ARL6: variants seen among roughly 807,000 people sequenced by gnomAD.
ARL6 encodes the protein ARF like GTPase 6.
Under a neutral mutation model 27.1 loss-of-function variants are expected in ARL6, and 18 were observed. That is an observed-to-expected ratio of 0.66 (90% CI 0.46 to 0.98). ARL6 has a LOEUF of 0.98. Among genes scored for constraint, ARL6 ranks in the 50% least tolerant of loss-of-function variants. The pLI, the probability that ARL6 is intolerant of heterozygous loss-of-function variation, is 0.00. For missense variants in ARL6, 187 were observed against 214.9 expected (o/e 0.87, Z 0.81); for synonymous variants, 65 against 72.3 (o/e 0.90, Z 0.51).
At chr3:97,796,698 A>T (rs973972406) in intron 7 of ARL6, among the ~76,000 whole-genome samples, 9 of 152,204 alleles carry the variant, frequency 5.9e-5, no homozygotes, top group East Asian at 3.8e-4. Context: ...AAGATTCTGC[A>T]AGCTTCCTGA....
intron 6 of ARL6, among the ~76,000 whole-genome samples, chr3:97,788,388 A>G (rs1016457671): frequency 6.6e-6 from 1 of 152,196 alleles, no homozygotes; most frequent in African/African-American, 2.4e-5. Context: ...GACTTCAGCT[A>G]CACTGATTTC....
chr3:97,776,950 TG>T (rs2036939478), intron 2 of ARL6, among the ~76,000 whole-genome samples: 1 of 152,258 alleles, frequency 6.6e-6, no homozygotes, highest in African/African-American at 2.4e-5. Flanking sequence ...TGAGCCTCCG[TG>T]CCTGGCCACC....
At chr3:97,773,436 A>G (rs2036735687) in intron 2 of ARL6, among the ~76,000 whole-genome samples, 1 of 152,128 alleles carries the variant, frequency 6.6e-6, no homozygotes, top group Admixed American at 6.5e-5. Context: ...GCATCACTCA[A>G]TCCAATCAAG....
chr3:97,798,001 TTTTG>T lies in ARL6; in HGVS notation c.536-15_536-12del, dbSNP rs1368665501. 2 of 1,611,152 alleles carry T rather than the reference TTTTG, an allele frequency of 1.2e-6. No homozygotes were observed. Among genetic ancestry groups the T allele is most frequent in the Admixed American group, 1.7e-5 (1 of 59,942 alleles). ...ATTTTGCCCTATAGAGATTGATAAT[TTTTG>T]TTTGTTTTTTGTTATCAGATCAGAT... On this transcript the variant is annotated intron_variant, in intron 7 of 7. Coordinates refer to ENST00000463745, the MANE Select transcript of ARL6 (RefSeq NM_001278293.3).
At position 97,780,185 on chromosome 3, in the gene ARL6, A is replaced by C. The variant is rs1446627916; in HGVS notation, c.150A>C (p.Thr50=). 1 of 1,613,228 alleles carries C rather than the reference A, an allele frequency of 6.2e-7. No individual in the cohort carries two copies. The highest frequency in any genetic ancestry group is 8.5e-7 in the Non-Finnish European group (1 of 1,179,378). ...CTCAATCTCAAAATATCCTTCCAAC[A>C]ATAGGATTCAGCATAGAGAAATTCA... ...SNAQSQNILP[T]IGFSIEKFKS... is the part of the protein sequence containing the mutation. Residue 50 remains threonine (T), a synonymous_variant, in exon 3 of 8, where the codon ACA becomes ACC. Transcript: ENST00000463745.
chr3:97,783,694 TAA>T (rs1384171498), intron 4 of ARL6, among the ~76,000 whole-genome samples: 1 of 151,848 alleles, frequency 6.6e-6, no homozygotes, highest in Non-Finnish European at 1.5e-5. Context: ...AAATGGTATA[TAA>T]AAAGTTTTAT....
chr3:97,769,056 G>A (rs2036520608), intron 2 of ARL6, among the ~76,000 whole-genome samples: 1 of 151,952 alleles, frequency 6.6e-6, no homozygotes, highest in East Asian at 1.9e-4. Context: ...AATAAAATAA[G>A]TACAGAAATG....
intron 4 of ARL6, among the ~76,000 whole-genome samples, chr3:97,781,020 C>T (rs1046830048): frequency 1.2e-4 from 19 of 152,044 alleles, no homozygotes; most frequent in African/African-American, 4.3e-4. Context: ...TTATTTTGTC[C>T]TTATTGTTCA....
chr3:97,780,820 T>TA, intron 4 of ARL6, 137 bp downstream of exon 4: 1 of 701,342 alleles, frequency 1.4e-6, no homozygotes, highest in South Asian at 1.7e-5. Context: ...TTTTAAAAAA[T>TA]ATGTAATGAG....
intron 2 of ARL6, among the ~76,000 whole-genome samples, chr3:97,773,259 T>C (rs1210161475): frequency 2.0e-5 from 3 of 152,118 alleles, no homozygotes; most frequent in Admixed American, 2.0e-4. Context: ...GCTAAGCCAG[T>C]TTACCTTTTC....
chr3:97,775,265 A>G (rs1314557966), intron 2 of ARL6, among the ~76,000 whole-genome samples: 1 of 152,180 alleles, frequency 6.6e-6, no homozygotes, highest in Non-Finnish European at 1.5e-5. Flanking sequence ...TATACATATA[A>G]AGGGGAGTTT....
chr3:97,788,684 A>G (rs866833510), intron 6 of ARL6, among the ~76,000 whole-genome samples: 9 of 152,186 alleles, frequency 5.9e-5, no homozygotes, highest in Admixed American at 6.5e-5. Flanking sequence ...GAATAAATGG[A>G]AATGGAAATT....
chr3:97,770,268 T>C (rs1384195949), intron 2 of ARL6, among the ~76,000 whole-genome samples: 1 of 152,100 alleles, frequency 6.6e-6, no homozygotes, highest in African/African-American at 2.4e-5. Context: ...GTTTGATATA[T>C]ATTTTCCTGA....
At chr3:97,768,546 C>T (rs1028402259) in intron 2 of ARL6, among the ~76,000 whole-genome samples, 12 of 152,046 alleles carry the variant, frequency 7.9e-5, no homozygotes, top group African/African-American at 2.9e-4. Flanking sequence ...AAAGGTGAAA[C>T]ATTTTTATAG....
At chr3:97,766,515 G>A (rs1353536442) in intron 1 of ARL6, 1 of 152,166 alleles carries the variant, frequency 6.6e-6, no homozygotes, top group Non-Finnish European at 1.5e-5. Flanking sequence ...TCACCTTTTG[G>A]CATGGCACTG....
chr3:97,784,805 A>T, intron 4 of ARL6, 150 bp from the exon 5 acceptor site: 1 of 563,056 alleles, frequency 1.8e-6, no homozygotes, highest in Non-Finnish European at 3.2e-6. Flanking sequence ...CAGTCATATA[A>T]ACTAATAAGA....
rs61135710 is a variant in ARL6 at position 97,790,388 on chromosome 3, G to A, written c.480-1383G>A. On this transcript the variant is annotated intron_variant, in intron 6 of 7. Coordinates refer to ENST00000463745, the MANE Select transcript of ARL6 (RefSeq NM_001278293.3). ...AGAAGTCCAGATTGGTTAGAGCAGAGAAATCTAAGGGGAAATTGTAGGAAA... is the reference window on the plus strand; with the variant it reads ...AGAAGTCCAGATTGGTTAGAGCAGAAAAATCTAAGGGGAAATTGTAGGAAA... Among the ~76,000 whole-genome samples the A allele has an allele frequency of 3.5e-4, 53 of 152,120 alleles. No homozygotes were observed. The East Asian group carries it at 9.7e-3, about 28-fold the overall frequency.
chr3:97,771,499 C>A (rs1324855927), intron 2 of ARL6, among the ~76,000 whole-genome samples: 1 of 151,918 alleles, frequency 6.6e-6, no homozygotes, highest in Non-Finnish European at 1.5e-5. Context: ...TACTGATGAC[C>A]TTCATTTTTC....
chr3:97,797,956 T>C, intron 7 of ARL6, 68 bp from the exon 8 acceptor site: 1 of 1,418,984 alleles, frequency 7.0e-7, no homozygotes, highest in Non-Finnish European at 9.9e-7. Flanking sequence ...AGATTTGACT[T>C]AGATTACTTT....
Sources: allele counts gnomAD v4.1 joint callset (sites outside exome capture counted in the v4.1 genomes callset), GRCh38; gene constraint gnomAD v4.1.1; transcripts MANE v1.5; gene names NCBI Gene and HGNC (gene_info 2026-07-23, HGNC 2026-07-21).